The following ZNF429 variants were observed in gnomAD, a reference collection of about 807,000 sequenced individuals.
The protein encoded by ZNF429 is zinc finger protein 429.
Under a neutral mutation model 56.8 loss-of-function variants are expected in ZNF429, and 53 were observed. The observed-to-expected ratio is 0.93, with a 90% confidence interval of 0.75 to 1.17. ZNF429 has a LOEUF of 1.17. Ranked by LOEUF, ZNF429 falls within the 50% of genes most tolerant of loss-of-function variation. ZNF429 has a pLI of 0.00. For missense variants in ZNF429, 849 were observed against 788.4 expected (o/e 1.08, Z -0.92); for synonymous variants, 278 against 264.7 (o/e 1.05, Z -0.49).
chr19:21,531,813 G>T, intron 3 of ZNF429, among the ~76,000 whole-genome samples: 1 of 115,714 alleles, frequency 8.6e-6, no homozygotes, highest in Admixed American at 8.9e-5. Context: ...CTCAAAAAAA[G>T]AAAAAAAAAA....
At chr19:21,514,035 C>T (rs1018961244) in intron 1 of ZNF429, among the ~76,000 whole-genome samples, 1 of 152,156 alleles carries the variant, frequency 6.6e-6, no homozygotes, top group Non-Finnish European at 1.5e-5. Context: ...CTGTTTTTCT[C>T]CACCAACTTA....
intron 1 of ZNF429, among the ~76,000 whole-genome samples, chr19:21,508,626 C>CT (rs2032302692): frequency 6.6e-6 from 1 of 151,496 alleles, no homozygotes; most frequent in Non-Finnish European, 1.5e-5. Flanking sequence ...TCAGAAAAAT[C>CT]TATCTTTTTT....
In ZNF429 at chr19:21,539,075, A is replaced by G. The variant is rs189506970; in HGVS notation, c.*997A>G. The stretch of plus-strand genomic sequence containing the variant: ...TGGAAAAACTTTTTTTTCCCCAAAA[A>G]CTATACCTCAGGAAACAATGGAGAG... On this transcript the variant is annotated 3_prime_UTR_variant, in exon 4 of 4. Transcript: ENST00000358491. 7.2e-5 allele frequency among the ~76,000 whole-genome samples: 11 copies of G among 152,150 alleles called. No homozygotes were observed. In the East Asian group the frequency reaches 2.1e-3, roughly 29 times the overall value.
Position 21,505,794 on chromosome 19 carries a change from C to A in ZNF429, c.3+20C>A. The A allele has an allele frequency of 1.2e-6, 2 of 1,611,540 alleles. No homozygotes were observed. The highest frequency in any genetic ancestry group is 1.7e-6 in the Non-Finnish European group (2 of 1,178,396). ...GAAATGGTGAGAGTGCCGAGTCTGACATCCCCAGAGAGGGGGAGGGGCTGG... is the reference window on the plus strand; with the variant it reads ...GAAATGGTGAGAGTGCCGAGTCTGAAATCCCCAGAGAGGGGGAGGGGCTGG... On this transcript the variant is annotated intron_variant, in intron 1 of 3. Coordinates refer to ENST00000358491, the MANE Select transcript of ZNF429 (RefSeq NM_001001415.4).
chr19:21,535,223 C>G, intron 3 of ZNF429, among the ~76,000 whole-genome samples: 1 of 145,938 alleles, frequency 6.9e-6, no homozygotes, highest in Non-Finnish European at 1.5e-5. Context: ...TGCAGTCACT[C>G]CACTCCTGTA....
intron 3 of ZNF429, among the ~76,000 whole-genome samples, chr19:21,535,356 T>TCTC: frequency 8.2e-5 from 9 of 109,904 alleles, no homozygotes; most frequent in African/African-American, 1.3e-4. Context: ...TTCCTTTCTT[T>TCTC]TCTTCTTTCT....
intron 1 of ZNF429, among the ~76,000 whole-genome samples, chr19:21,521,019 A>G (rs953348570): frequency 2.6e-5 from 4 of 152,182 alleles, no homozygotes; most frequent in African/African-American, 9.7e-5. Context: ...GTTACAGACA[A>G]TTTTTAAAAG....
chr19:21,522,093 C>T (rs2033004599), intron 1 of ZNF429, among the ~76,000 whole-genome samples: 1 of 152,182 alleles, frequency 6.6e-6, no homozygotes, highest in Admixed American at 6.5e-5. Flanking sequence ...GTAGAGGAGC[C>T]ATTGCTTTAA....
intron 3 of ZNF429, among the ~76,000 whole-genome samples, chr19:21,535,075 C>A: frequency 1.3e-5 from 2 of 150,584 alleles, no homozygotes; most frequent in African/African-American, 4.9e-5. Flanking sequence ...GATCCGCCCG[C>A]CTCGGCCTCC....
rs1383316717 is a variant in ZNF429 at position 21,540,002 on chromosome 19, C to T, written c.*1924C>T. ...TAACTTATTGAGTGATGTATGAGGT[C>T]GATGTTCAGAGTAATATGCCTCTGT... On this transcript the variant is annotated 3_prime_UTR_variant, in exon 4 of 4. Coordinates refer to ENST00000358491, the MANE Select transcript of ZNF429 (RefSeq NM_001001415.4). 2.0e-5 allele frequency among the ~76,000 whole-genome samples: 3 copies of T among 151,570 alleles called. No individual in the cohort carries two copies. Among genetic ancestry groups the T allele is most frequent in the Non-Finnish European group, 2.9e-5 (2 of 67,950 alleles).
intron 3 of ZNF429, among the ~76,000 whole-genome samples, chr19:21,531,109 A>AAAAAAAAACAAAAC: frequency 8.9e-5 from 8 of 90,332 alleles, no homozygotes; most frequent in African/African-American, 4.9e-4. Context: ...TCCATCTCAA[A>AAAAAAAAACAAAAC]AAAAAAAAAA....
intron 3 of ZNF429, among the ~76,000 whole-genome samples, chr19:21,535,492 CTTTCTTCTTTCT>C: frequency 1.2e-5 from 1 of 83,768 alleles, no homozygotes; most frequent in Non-Finnish European, 2.4e-5. Flanking sequence ...TTCTTTCTTT[CTTTCTTCTTTCT>C]TTCTTTCTTT....
Position 21,535,358 on chromosome 19 carries a change from CTT to C in ZNF429, c.227-921_227-920del. On this transcript the variant is annotated intron_variant, in intron 3 of 3. Transcript: ENST00000358491. Reference sequence around the variant, plus strand: ...TCTTTTCTTTCCTTTCCTTTCTTTTCTTCTTTCTTTCTTTCTTTCTTTTTTAC... The same window carrying C: ...TCTTTTCTTTCCTTTCCTTTCTTTTCCTTTCTTTCTTTCTTTCTTTTTTAC... 1.4e-3 allele frequency among the ~76,000 whole-genome samples: 88 copies of C among 65,086 alleles called. 10 individuals are homozygous for C. Among genetic ancestry groups the C allele is most frequent in the African/African-American group, 5.2e-3 (74 of 14,112 alleles). 42.7% of individuals were successfully genotyped at this position (65,086 alleles called of 152,430 possible). A position where few individuals can be genotyped will look rare whatever the true frequency, so the allele number is the denominator to read the frequency against.
Position 21,532,698 on chromosome 19 carries a change from A to ATT in ZNF429, c.226+2029_226+2030dup. On this transcript the variant is annotated intron_variant, in intron 3 of 3. Coordinates refer to ENST00000358491, the MANE Select transcript of ZNF429 (RefSeq NM_001001415.4). ...ACAGAAGATGCCTCTATGTGAGAGG[A>ATT]TTTTTTTTTTTTTTTTGGAGACGGT... Among the ~76,000 whole-genome samples, 251 of 144,334 alleles carry ATT rather than the reference A, an allele frequency of 1.7e-3. 2 individuals carry two copies. The highest frequency in any genetic ancestry group is 6.2e-3 in the African/African-American group (241 of 39,178). The allele number at this position is 144,334 out of a possible 152,430, so 94.7% of individuals were successfully genotyped here. A position where few individuals can be genotyped will look rare whatever the true frequency, so the allele number is the denominator to read the frequency against.
rs35018389 is a variant in ZNF429 at position 21,538,109 on chromosome 19, CAAA to C, written c.*49_*51del. ...TGAAACCCCGTCTCTACTAAAAATA[CAAA>C]AAAAAAAAAAAAAAAAATTAGCCAG... On this transcript the variant is annotated 3_prime_UTR_variant, in exon 4 of 4. Coordinates refer to ENST00000358491, the MANE Select transcript of ZNF429 (RefSeq NM_001001415.4). 0.028 allele frequency: 12,509 copies of C among 440,030 alleles called. No individual in the cohort carries two copies. Among genetic ancestry groups the C allele is most frequent in the East Asian group, 0.034 (761 of 22,668 alleles). 27.3% of individuals were successfully genotyped at this position (440,030 alleles called of 1,614,324 possible). A position where few individuals can be genotyped will look rare whatever the true frequency, so the allele number is the denominator to read the frequency against.
At chr19:21,524,878 T>C (rs2033108826) in intron 1 of ZNF429, among the ~76,000 whole-genome samples, 1 of 152,240 alleles carries the variant, frequency 6.6e-6, no homozygotes, top group South Asian at 2.1e-4. Flanking sequence ...GTTTGGTTGG[T>C]ACCCAGATGA....
chr19:21,509,470 G>GA (rs1256065954), intron 1 of ZNF429, among the ~76,000 whole-genome samples: 2 of 152,206 alleles, frequency 1.3e-5, no homozygotes, highest in African/African-American at 4.8e-5. Context: ...AAGACCAAGT[G>GA]AATAACTCTG....
Position 21,535,405 on chromosome 19 carries a change from CTTTT to C in ZNF429, c.227-873_227-870del. Among the ~76,000 whole-genome samples the C allele has an allele frequency of 1.3e-4, 2 of 15,712 alleles. 1 individual carries two copies. Among genetic ancestry groups the C allele is most frequent in the Admixed American group, 1.1e-3 (2 of 1,824 alleles). The allele number at this position is 15,712 out of a possible 152,430, so 10.3% of individuals were successfully genotyped here. ...TTTTACTTTCTTTCTTTCTTTCTTT[CTTTT>C]TCTTTTCTTTCTTTCTTTCTTTCTT... On this transcript the variant is annotated intron_variant, in intron 3 of 3. Coordinates refer to ENST00000358491, the MANE Select transcript of ZNF429 (RefSeq NM_001001415.4).
In ZNF429 at chr19:21,537,153, A is replaced by G. The variant is rs147972800; in HGVS notation, c.1100A>G (p.Lys367Arg). 1.2e-3 allele frequency: 1,990 copies of G among 1,613,960 alleles called. 35 individuals are homozygous for G. In the African/African-American group the frequency reaches 0.021, roughly 17 times the overall value. ...CATAAGGTAATTCATACTGGAGAGA[A>G]GCCCTACAAATGTGAAGAATGTGGC... ...TKHKVIHTGE[K>R]PYKCEECGKA... Residue 367 changes from lysine to arginine, a missense_variant, in exon 4 of 4, where the codon AAG (lysine) becomes AGG (arginine). Lys to Arg is a conservative substitution (Grantham distance 26). Transcript: ENST00000358491.
Sources: allele counts gnomAD v4.1 joint callset (sites outside exome capture counted in the v4.1 genomes callset), GRCh38; gene constraint gnomAD v4.1.1; transcripts MANE v1.5; gene names NCBI Gene and HGNC (gene_info 2026-07-23, HGNC 2026-07-21).